The following POU2AF2 variants were observed in gnomAD, a reference collection of about 807,000 sequenced individuals.
POU2AF2 encodes the protein POU class 2 homeobox associating factor 2.
At chr11:111,279,045 T>C in the POU2AF2 span, among the ~76,000 whole-genome samples, 1 of 152,216 alleles carries the variant, frequency 6.6e-6, no homozygotes, top group Non-Finnish European at 1.5e-5. Context: ...TCGGATTCAA[T>C]GAACTGGATG....
At chr11:111,278,587 T>C in the POU2AF2 span, among the ~76,000 whole-genome samples, 1 of 146,744 alleles carries the variant, frequency 6.8e-6, no homozygotes, top group East Asian at 2.0e-4. Flanking sequence ...TCTCTCTCTC[T>C]CAGCCATGTG....
the POU2AF2 span, among the ~76,000 whole-genome samples, chr11:111,246,260 T>C: frequency 6.6e-6 from 1 of 152,230 alleles, no homozygotes; most frequent in East Asian, 1.9e-4. Flanking sequence ...AGAATTCACA[T>C]TCATATAGAA....
the POU2AF2 span, among the ~76,000 whole-genome samples, chr11:111,273,340 T>G: frequency 2.0e-5 from 3 of 152,316 alleles, no homozygotes; most frequent in South Asian, 6.2e-4. Context: ...GAAAACCACA[T>G]GACCTATGGT....
the POU2AF2 span, among the ~76,000 whole-genome samples, chr11:111,263,962 T>G: frequency 6.6e-6 from 1 of 152,222 alleles, no homozygotes; most frequent in Non-Finnish European, 1.5e-5. Context: ...GCTCAATCAA[T>G]GCCATTGCTA....
chr11:111,265,834 T>C, the POU2AF2 span, among the ~76,000 whole-genome samples: 2 of 149,798 alleles, frequency 1.3e-5, no homozygotes, highest in East Asian at 3.9e-4. Context: ...GGCTACTGGG[T>C]AACTTTTGTA....
At chr11:111,264,059 T>C in the POU2AF2 span, among the ~76,000 whole-genome samples, 1 of 152,212 alleles carries the variant, frequency 6.6e-6, no homozygotes, top group South Asian at 2.1e-4. Context: ...AATGTACTGC[T>C]CAGTTGTGGG....
the POU2AF2 span, among the ~76,000 whole-genome samples, chr11:111,272,316 T>C: frequency 6.6e-6 from 1 of 152,192 alleles, no homozygotes; most frequent in Admixed American, 6.5e-5. Flanking sequence ...ATACCTGCAC[T>C]AAATCACATT....
the POU2AF2 span, among the ~76,000 whole-genome samples, chr11:111,268,350 A>C: frequency 6.6e-6 from 1 of 151,788 alleles, no homozygotes; most frequent in Admixed American, 6.6e-5. Context: ...CACCTCTTCA[A>C]CTCATAACCT....
At chr11:111,285,360 A>G in the POU2AF2 span, among the ~76,000 whole-genome samples, 12 of 152,384 alleles carry the variant, frequency 7.9e-5, no homozygotes, top group South Asian at 2.1e-3. Context: ...CATTGCACAC[A>G]GTAAAATGTT....
chr11:111,248,702 T>C, the POU2AF2 span, among the ~76,000 whole-genome samples: 85 of 152,274 alleles, frequency 5.6e-4, no homozygotes, highest in East Asian at 0.015. Context: ...TTACGTAAAG[T>C]CACAAAAACC....
chr11:111,270,742 G>A, the POU2AF2 span, among the ~76,000 whole-genome samples: 1 of 152,176 alleles, frequency 6.6e-6, no homozygotes, highest in South Asian at 2.1e-4. Context: ...AGAGAGCCCT[G>A]GAAATTGTAC....
chr11:111,261,021 G>A, the POU2AF2 span, among the ~76,000 whole-genome samples: 2 of 152,152 alleles, frequency 1.3e-5, no homozygotes, highest in Middle Eastern at 3.4e-3. Flanking sequence ...TTTGCAGTAG[G>A]AACAAGAAAA....
chr11:111,283,999 C>A, the POU2AF2 span: 144,983 of 1,344,196 alleles, frequency 0.11, 9,044 homozygotes, highest in Middle Eastern at 0.2. Flanking sequence ...GTTTCCCAGG[C>A]AGAGACTCAG....
At chr11:111,285,578 C>T in the POU2AF2 span, 2 of 1,497,892 alleles carry the variant, frequency 1.3e-6, no homozygotes, top group East Asian at 2.5e-5. Flanking sequence ...CCTGAAGCCA[C>T]AGTCTGGCAG....
the POU2AF2 span, among the ~76,000 whole-genome samples, chr11:111,263,408 ACT>A: frequency 2.1e-5 from 3 of 141,322 alleles, no homozygotes; most frequent in Non-Finnish European, 4.6e-5. Context: ...AACCTACAAC[ACT>A]CAGGTTTACT....
chr11:111,247,191 CAG>C, the POU2AF2 span, among the ~76,000 whole-genome samples: 2,472 of 144,850 alleles, frequency 0.017, 71 homozygotes, highest in African/African-American at 0.059. Context: ...TACACACACA[CAG>C]AGAGAGAGAG....
At chr11:111,251,639 C>T in the POU2AF2 span, among the ~76,000 whole-genome samples, 7 of 152,178 alleles carry the variant, frequency 4.6e-5, no homozygotes, top group Non-Finnish European at 8.8e-5. Context: ...CTCCTTCCTC[C>T]TAACCTGTCC....
the POU2AF2 span, among the ~76,000 whole-genome samples, chr11:111,264,575 A>G: frequency 2.2e-3 from 49 of 22,476 alleles, 4 homozygotes; most frequent in African/African-American, 8.3e-3. Context: ...AAAGAAAGAA[A>G]GGGAGAGAGA....
the POU2AF2 span, among the ~76,000 whole-genome samples, chr11:111,259,621 T>C: frequency 6.6e-6 from 1 of 152,088 alleles, no homozygotes; most frequent in African/African-American, 2.4e-5. Context: ...CAGCCCACAT[T>C]CCATATTTAA....
Sources: allele counts gnomAD v4.1 joint callset (sites outside exome capture counted in the v4.1 genomes callset), GRCh38; gene constraint gnomAD v4.1.1; transcripts MANE v1.5; gene names NCBI Gene and HGNC (gene_info 2026-07-23, HGNC 2026-07-21).